The following ADAMTS12 variants were observed in gnomAD, a reference collection of about 807,000 sequenced individuals.
ADAMTS12 encodes ADAM metallopeptidase with thrombospondin type 1 motif 12.
Under a neutral mutation model 167.8 loss-of-function variants are expected in ADAMTS12, and 118 were observed. That is an observed-to-expected ratio of 0.70 (90% CI 0.61 to 0.82). The LOEUF (loss-of-function observed/expected upper bound fraction) is 0.82, where lower values mean the gene tolerates loss of function less well. Among genes scored for constraint, ADAMTS12 ranks in the 40% least tolerant of loss-of-function variants. The pLI is 0.00. For missense variants in ADAMTS12, 1,916 were observed against 1,998.8 expected, an observed-to-expected ratio of 0.96 and a Z score of 0.79; for synonymous variants, 704 against 716.9, an observed-to-expected ratio of 0.98 and a Z score of 0.29.
At chr5:33,735,996 A>G (rs1395500564) in intron 3 of ADAMTS12, among the ~76,000 whole-genome samples, 2 of 151,394 alleles carry the variant, frequency 1.3e-5, no homozygotes, top group Non-Finnish European at 2.9e-5. Flanking sequence ...GGATTCTTAG[A>G]GCTTTTAAAA....
chr5:33,573,819 A>C (rs1350244027), intron 19 of ADAMTS12, among the ~76,000 whole-genome samples: 1 of 152,170 alleles, frequency 6.6e-6, no homozygotes, highest in Non-Finnish European at 1.5e-5. Context: ...AACCTACAAA[A>C]TGGGAGAAAA....
At chr5:33,580,422 A>C (rs1180117543) in intron 18 of ADAMTS12, among the ~76,000 whole-genome samples, 1 of 151,932 alleles carries the variant, frequency 6.6e-6, no homozygotes, top group Admixed American at 6.6e-5. Context: ...CAAGAACAGC[A>C]CGGGGGAACA....
chr5:33,540,015 C>T (rs368871055), intron 22 of ADAMTS12, among the ~76,000 whole-genome samples: 1 of 152,216 alleles, frequency 6.6e-6, no homozygotes, highest in African/African-American at 2.4e-5. Context: ...TCGCTTCACC[C>T]GGGAAGTGCA....
At chr5:33,676,597 T>A (rs915449183) in intron 5 of ADAMTS12, among the ~76,000 whole-genome samples, 1 of 151,622 alleles carries the variant, frequency 6.6e-6, no homozygotes, top group African/African-American at 2.4e-5. Context: ...GGTGGGAGGA[T>A]GGCTTGACCC....
At chr5:33,887,752 T>C (rs1750687440) in intron 1 of ADAMTS12, among the ~76,000 whole-genome samples, 1 of 151,718 alleles carries the variant, frequency 6.6e-6, no homozygotes, top group Admixed American at 6.6e-5. Flanking sequence ...CTATAGTAGT[T>C]ATTCTTTTTT....
intron 14 of ADAMTS12, among the ~76,000 whole-genome samples, chr5:33,619,557 C>G (rs553672084): frequency 5.9e-5 from 9 of 152,152 alleles, no homozygotes; most frequent in Non-Finnish European, 1.3e-4. Flanking sequence ...AACCAAACCT[C>G]TTTCAAAAAT....
At chr5:33,826,658 T>C (rs1298460429) in intron 2 of ADAMTS12, among the ~76,000 whole-genome samples, 1 of 152,010 alleles carries the variant, frequency 6.6e-6, no homozygotes, top group African/African-American at 2.4e-5. Context: ...TGAAAATGTG[T>C]ACCACTGCCC....
At chr5:33,779,991 A>C (rs1256172056) in intron 2 of ADAMTS12, among the ~76,000 whole-genome samples, 1 of 152,190 alleles carries the variant, frequency 6.6e-6, no homozygotes, top group African/African-American at 2.4e-5. Flanking sequence ...ACATGTTTTT[A>C]CTACAAAAAA....
rs1044345102 is a variant in ADAMTS12 at position 33,581,141 on chromosome 5, G to A, written c.2866-3981C>T. On this transcript the variant is annotated intron_variant, in intron 18 of 23. Coordinates refer to ENST00000504830, the MANE Select transcript of ADAMTS12 (RefSeq NM_030955.4). ...CGCTTCTTCTAGTACATCTTCCAAC[G>A]TGTTTATCTCCTTAGGAGCTGTCAA... 1.4e-4 allele frequency among the ~76,000 whole-genome samples: 21 copies of A among 152,296 alleles called. No individual in the cohort carries two copies. The South Asian group carries it at 1.7e-3, about 12-fold the overall frequency.
rs547680198 is a variant in ADAMTS12, at chr5:33,667,002, A to G, written c.916-4962T>C. 2.0e-5 allele frequency among the ~76,000 whole-genome samples: 3 copies of G among 152,312 alleles called. No individual in the cohort carries two copies. The East Asian group carries it at 5.8e-4, about 29-fold the overall frequency. On this transcript the variant is annotated intron_variant, in intron 5 of 23. Transcript: ENST00000504830. Reference sequence around the variant, plus strand: ...TTGCGAACAACTATGTGAAGTATTAATAGTTAGGAGAGTGATGATTAACTC... The same window carrying G: ...TTGCGAACAACTATGTGAAGTATTAGTAGTTAGGAGAGTGATGATTAACTC...
chr5:33,601,106 A>AGAGTGT (rs772822991), intron 16 of ADAMTS12, among the ~76,000 whole-genome samples: 2 of 145,820 alleles, frequency 1.4e-5, no homozygotes, highest in Non-Finnish European at 3.0e-5. Context: ...CACATTTAAG[A>AGAGTGT]GTGTGTGTGT....
chr5:33,760,915 GT>G (rs1745331499), intron 2 of ADAMTS12, among the ~76,000 whole-genome samples: 1 of 151,134 alleles, frequency 6.6e-6, no homozygotes, highest in African/African-American at 2.5e-5. Flanking sequence ...GTGTGTGTGT[GT>G]GTGTGCGTAT....
intron 2 of ADAMTS12, 22 bp from the exon 3 acceptor site, chr5:33,751,570 A>C: frequency 6.2e-6 from 10 of 1,610,632 alleles, no homozygotes; most frequent in Non-Finnish European, 8.5e-6. Flanking sequence ...TTCAGTAAGA[A>C]AGTTTATTTT....
chr5:33,674,429 T>G lies in ADAMTS12; in HGVS notation c.915+8589A>C, dbSNP rs2112243583. 1.3e-5 allele frequency among the ~76,000 whole-genome samples: 2 copies of G among 152,310 alleles called. 1 individual carries two copies. The highest frequency in any genetic ancestry group is 4.1e-4 in the South Asian group (2 of 4,830). ...AAGATATAGGTTTTGTTCCAGAGTA[T>G]CCTTTGAAGGATGTTGTAAAGGAAA... On this transcript the variant is annotated intron_variant, in intron 5 of 23. Coordinates refer to ENST00000504830, the MANE Select transcript of ADAMTS12 (RefSeq NM_030955.4).
intron 3 of ADAMTS12, among the ~76,000 whole-genome samples, chr5:33,715,626 C>T (rs1314030449): frequency 6.6e-6 from 1 of 152,054 alleles, no homozygotes; most frequent in African/African-American, 2.4e-5. Flanking sequence ...CTCAGCTTCT[C>T]GTGGCTGTAG....
At position 33,891,876 on chromosome 5, in the gene ADAMTS12, A is replaced by T. The variant is rs762367875; in HGVS notation, c.-20T>A. On this transcript the variant is annotated 5_prime_UTR_variant, in exon 1 of 24. Transcript: ENST00000504830. ...TGGCATGATTCAGATGTTGAGGAGAAGAAAAGTCAAAAAAGTTTTAGCCCT... is the reference window on the plus strand; with the variant it reads ...TGGCATGATTCAGATGTTGAGGAGATGAAAAGTCAAAAAAGTTTTAGCCCT... The T allele has an allele frequency of 6.2e-7, 1 of 1,606,152 alleles. No individual in the cohort carries two copies.
At chr5:33,680,957 T>C (rs931412743) in intron 5 of ADAMTS12, among the ~76,000 whole-genome samples, 7 of 152,208 alleles carry the variant, frequency 4.6e-5, no homozygotes, top group African/African-American at 1.7e-4. Context: ...AAAAACCATT[T>C]GTACCCTATC....
At chr5:33,597,524 G>A (rs1737955718) in intron 16 of ADAMTS12, among the ~76,000 whole-genome samples, 1 of 152,114 alleles carries the variant, frequency 6.6e-6, no homozygotes, top group Non-Finnish European at 1.5e-5. Flanking sequence ...CAGCTCGCAG[G>A]ACTGACCTGG....
chr5:33,537,912 C>T (rs979112448), intron 22 of ADAMTS12, among the ~76,000 whole-genome samples: 2 of 152,206 alleles, frequency 1.3e-5, no homozygotes, highest in Admixed American at 1.3e-4. Context: ...TCAAAACATA[C>T]ATGCACAGGA....
Sources: allele counts gnomAD v4.1 joint callset (sites outside exome capture counted in the v4.1 genomes callset), GRCh38; gene constraint gnomAD v4.1.1; transcripts MANE v1.5; gene names NCBI Gene and HGNC (gene_info 2026-07-23, HGNC 2026-07-21).